ARHGEF17: variants seen among roughly 807,000 people sequenced by gnomAD.
ARHGEF17 encodes the protein 164 kDa Rho-specific guanine-nucleotide exchange factor.
In ARHGEF17, 80 loss-of-function variants were observed where a neutral mutation model predicts 174.0. The ratio of observed to expected loss-of-function variants is 0.46; its 90% CI spans 0.38 to 0.55. ARHGEF17 has a LOEUF of 0.55. ARHGEF17 is among the 20% of genes least tolerant of loss of function. The pLI is 0.00. For missense variants in ARHGEF17, 2,886 were observed against 2,839.7 expected (o/e 1.02, Z -0.37); for synonymous variants, 1,311 against 1,189.1 (o/e 1.10, Z -2.11).
Position 73,363,344 on chromosome 11 carries a change from C to G in ARHGEF17, c.5135C>G (p.Ala1712Gly). ...GGCACCAGCCCAATGGATGGGAGAG[C>G]CCTTCGCCGCTCCAGCCACGGCTCC... ...PCGTSPMDGR[A>G]LRRSSHGSFT... Residue 1712 changes from alanine (A) to glycine (G), a missense_variant, in exon 15 of 21, where the codon GCC (alanine) becomes GGC (glycine). Ala to Gly is a moderately conservative substitution (Grantham distance 60). Coordinates refer to ENST00000263674, the MANE Select transcript of ARHGEF17 (RefSeq NM_014786.4). 6.2e-7 allele frequency: 1 copy of G among 1,612,824 alleles called. No individual in the cohort carries two copies.
At chr11:73,362,306 C>T in intron 13 of ARHGEF17, 67 bp downstream of exon 13, 1 of 1,451,864 alleles carries the variant, frequency 6.9e-7, no homozygotes, top group Non-Finnish European at 9.0e-7. Context: ...TCCCAGCACA[C>T]TCTCAGGCCG....
intron 1 of ARHGEF17, among the ~76,000 whole-genome samples, chr11:73,332,557 G>A (rs1236756289): frequency 6.6e-6 from 1 of 152,058 alleles, no homozygotes; most frequent in South Asian, 2.1e-4. Flanking sequence ...TGAGGTTGTC[G>A]CCAGTTTTCC....
intron 1 of ARHGEF17, among the ~76,000 whole-genome samples, chr11:73,341,608 G>A (rs1865370233): frequency 2.6e-5 from 4 of 152,148 alleles, no homozygotes; most frequent in South Asian, 2.1e-4. Context: ...TACCGCGCCC[G>A]CCCGAAACTG....
intron 2 of ARHGEF17, among the ~76,000 whole-genome samples, chr11:73,350,198 C>T (rs55921075): frequency 0.082 from 12,437 of 152,224 alleles, 515 homozygotes; most frequent in Non-Finnish European, 0.098. Context: ...TACAAAGAAA[C>T]GAAGACTCAC....
intron 1 of ARHGEF17, among the ~76,000 whole-genome samples, chr11:73,324,801 G>A (rs929728966): frequency 2.6e-5 from 4 of 152,220 alleles, no homozygotes; most frequent in Admixed American, 1.3e-4. Context: ...ACAGTCCATG[G>A]TCTGAGTCCC....
rs377410102 is a variant in ARHGEF17 at position 73,309,672 on chromosome 11, G to A, written c.1034G>A (p.Gly345Asp). 6 of 1,613,110 alleles carry A rather than the reference G, an allele frequency of 3.7e-6. No individual in the cohort carries two copies. The highest frequency in any genetic ancestry group is 3.3e-5 in the Admixed American group (2 of 60,032). The change falls in exon 1 of 21, where the codon GGT (glycine) becomes GAT (aspartate). Residue 345 changes from glycine to aspartate, a missense_variant. Gly to Asp is a moderately conservative substitution (Grantham distance 94, BLOSUM62 -1). Transcript: ENST00000263674. ...APREEGLREW[G>D]SGSPPCVPGP... ...AGAGAAGAAGGACTCCGGGAGTGGG[G>A]TAGTGGCTCTCCGCCCTGCGTCCCA...
intron 1 of ARHGEF17, among the ~76,000 whole-genome samples, chr11:73,332,792 A>G (rs1041543611): frequency 6.6e-6 from 1 of 152,178 alleles, no homozygotes; most frequent in Non-Finnish European, 1.5e-5. Context: ...ATGCCTCATC[A>G]TCTTCCTCTG....
intron 1 of ARHGEF17, among the ~76,000 whole-genome samples, chr11:73,341,661 G>T (rs1188272305): frequency 6.6e-6 from 1 of 152,240 alleles, no homozygotes; most frequent in East Asian, 1.9e-4. Flanking sequence ...GAGGGAAAAG[G>T]CATGGGCCAA....
chr11:73,314,069 T>A (rs1014544501), intron 1 of ARHGEF17, among the ~76,000 whole-genome samples: 1 of 152,224 alleles, frequency 6.6e-6, no homozygotes, highest in Non-Finnish European at 1.5e-5. Context: ...TCATAAAGCC[T>A]GGAAGTTCTC....
At position 73,310,305 on chromosome 11, in the gene ARHGEF17, G is replaced by C; in HGVS notation, c.1667G>C (p.Arg556Pro). ...SFTCSEKPMA[R>P]RLPRTSALKS... ...ACCTGCTCTGAGAAGCCCATGGCCC[G>C]CCGCCTGCCCCGCACCAGTGCTCTG... Residue 556 changes from arginine (R) to proline (P), a missense_variant, in exon 1 of 21, where the codon CGC becomes CCC. This residue lies in a region of ARHGEF17 where 1,728 missense variants were observed against 1,461.2 expected (regional missense o/e 1.18). Coordinates refer to ENST00000263674, the MANE Select transcript of ARHGEF17 (RefSeq NM_014786.4). The C allele has an allele frequency of 6.2e-7, 1 of 1,613,732 alleles. No homozygotes were observed. Among genetic ancestry groups the C allele is most frequent in the Non-Finnish European group, 8.5e-7 (1 of 1,179,992 alleles).
intron 3 of ARHGEF17, among the ~76,000 whole-genome samples, chr11:73,354,218 A>T (rs1200484732): frequency 6.6e-6 from 1 of 152,206 alleles, no homozygotes; most frequent in Non-Finnish European, 1.5e-5. Context: ...CCAGCCCATC[A>T]TCACTCTCAG....
At chr11:73,363,620 G>C in intron 15 of ARHGEF17, 127 bp from the exon 16 acceptor site, 2 of 1,494,078 alleles carry the variant, frequency 1.3e-6, no homozygotes, top group Non-Finnish European at 1.8e-6. Context: ...GGAGGCTGTG[G>C]GACCTCAGTA....
intron 1 of ARHGEF17, among the ~76,000 whole-genome samples, chr11:73,328,559 T>C (rs923638532): frequency 5.9e-5 from 9 of 152,146 alleles, no homozygotes; most frequent in African/African-American, 1.7e-4. Context: ...GAAGGAGGAA[T>C]TGGACAGTTC....
chr11:73,344,682 G>A (rs576573969), intron 1 of ARHGEF17, among the ~76,000 whole-genome samples: 5 of 152,340 alleles, frequency 3.3e-5, no homozygotes, highest in African/African-American at 7.2e-5. Flanking sequence ...GCTCGCTGCC[G>A]CCTTTGCCTT....
intron 1 of ARHGEF17, among the ~76,000 whole-genome samples, chr11:73,327,264 TC>T (rs55810068): frequency 0.14 from 20,770 of 152,104 alleles, 1,793 homozygotes; most frequent in African/African-American, 0.25. Context: ...CCAGCTACGC[TC>T]CCAGAATGTG....
intron 2 of ARHGEF17, among the ~76,000 whole-genome samples, chr11:73,348,885 G>A (rs953365888): frequency 3.9e-5 from 6 of 152,168 alleles, no homozygotes; most frequent in African/African-American, 1.4e-4. Flanking sequence ...GGCTTCCCTG[G>A]GGTTGGGGTA....
At chr11:73,343,388 ACT>A in intron 1 of ARHGEF17, 2 of 386,916 alleles carry the variant, frequency 5.2e-6, no homozygotes, top group Admixed American at 4.5e-5. Context: ...GGGCGCAGGG[ACT>A]CTCTGTGACC....
Position 73,362,111 on chromosome 11 carries a change from C to T in ARHGEF17, c.4566C>T (p.Asp1522=), listed in dbSNP as rs745572654. 8 of 1,612,372 alleles carry T rather than the reference C, an allele frequency of 5.0e-6. No individual in the cohort carries two copies. The highest frequency in any genetic ancestry group is 1.7e-5 in the Admixed American group (1 of 59,994). Residue 1522 remains aspartate (D), a synonymous_variant, in exon 13 of 21, where the codon GAC becomes GAT. Transcript: ENST00000263674. ...CTGAGGTATGGGTCTGCAACAGCGA[C>T]GGCTACGTGGGCCAGGTGTGCCTGC... ...PSPEVWVCNS[D]GYVGQVCLLS... is the part of the protein sequence containing the mutation.
chr11:73,349,617 A>AAAAAC (rs569837067), intron 2 of ARHGEF17, among the ~76,000 whole-genome samples: 9 of 152,196 alleles, frequency 5.9e-5, no homozygotes, highest in Admixed American at 4.6e-4. Flanking sequence ...CTCTGTCTCA[A>AAAAAC]AAAACAAAAC....
Sources: allele counts gnomAD v4.1 joint callset (sites outside exome capture counted in the v4.1 genomes callset), GRCh38; gene constraint gnomAD v4.1.1; regional missense constraint gnomAD v4.1.1; transcripts MANE v1.5; gene names NCBI Gene and HGNC (gene_info 2026-07-23, HGNC 2026-07-21).